ADAMTS17: variants seen among roughly 807,000 people sequenced by gnomAD.
The protein encoded by ADAMTS17 is A disintegrin and metalloproteinase with thrombospondin motifs 17.
In ADAMTS17, 113 loss-of-function variants were observed where a neutral mutation model predicts 141.5. The observed-to-expected ratio is 0.80, with a 90% CI of 0.69 to 0.93. The LOEUF is 0.93. Among genes scored for constraint, ADAMTS17 ranks in the 40% least tolerant of loss-of-function variants. The pLI is 0.00. For missense variants in ADAMTS17, 1,659 were observed against 1,517.9 expected, an observed-to-expected ratio of 1.09 and a Z score of -1.54; for synonymous variants, 768 against 630.6, an observed-to-expected ratio of 1.22 and a Z score of -3.27.
At chr15:100,282,002 G>A (rs549746872) in intron 3 of ADAMTS17, among the ~76,000 whole-genome samples, 1 of 152,268 alleles carries the variant, frequency 6.6e-6, no homozygotes, top group Admixed American at 6.5e-5. Context: ...CAATAGGGAA[G>A]GATTAGTAGT....
intron 3 of ADAMTS17, among the ~76,000 whole-genome samples, chr15:100,283,816 C>T (rs191175781): frequency 7.5e-4 from 114 of 152,292 alleles, no homozygotes; most frequent in African/African-American, 2.6e-3. Context: ...TTTCAAAATC[C>T]TGCACTGCAC....
At chr15:100,259,844 G>T (rs28583508) in intron 6 of ADAMTS17, among the ~76,000 whole-genome samples, 109,267 of 151,950 alleles carry the variant, frequency 0.72, 39,592 homozygotes, top group East Asian at 0.94. Flanking sequence ...CTAGGATTTT[G>T]GTTTTTGTTT....
intron 15 of ADAMTS17, among the ~76,000 whole-genome samples, chr15:100,064,872 T>C (rs1019531274): frequency 2.6e-5 from 4 of 152,174 alleles, no homozygotes; most frequent in African/African-American, 9.7e-5. Context: ...ATTTGGGATT[T>C]AGACAAGCGT....
intron 14 of ADAMTS17, among the ~76,000 whole-genome samples, chr15:100,107,673 G>A (rs974062237): frequency 7.9e-5 from 12 of 152,110 alleles, no homozygotes; most frequent in African/African-American, 2.7e-4. Flanking sequence ...AGACTCACAA[G>A]AGAGCTCACC....
At chr15:100,240,055 T>C (rs4297664) in intron 7 of ADAMTS17, among the ~76,000 whole-genome samples, 92,212 of 152,062 alleles carry the variant, frequency 0.61, 28,113 homozygotes, top group African/African-American at 0.67. Flanking sequence ...TCAGTGAGCC[T>C]GCTCCACGTG....
intron 10 of ADAMTS17, among the ~76,000 whole-genome samples, chr15:100,140,289 C>T (rs2038561392): frequency 6.6e-6 from 1 of 152,086 alleles, no homozygotes; most frequent in Non-Finnish European, 1.5e-5. Context: ...AGCCACTGTG[C>T]CTGGCCGTGT....
intron 12 of ADAMTS17, among the ~76,000 whole-genome samples, chr15:100,119,009 T>G (rs1016711280): frequency 7.3e-6 from 1 of 137,504 alleles, no homozygotes; most frequent in Non-Finnish European, 1.7e-5. Flanking sequence ...TAATCCAATA[T>G]GAAGTGTCCT....
intron 8 of ADAMTS17, among the ~76,000 whole-genome samples, chr15:100,172,063 T>A (rs1056028930): frequency 6.6e-6 from 1 of 152,198 alleles, no homozygotes; most frequent in East Asian, 1.9e-4. Flanking sequence ...ATTCATGTTC[T>A]GCCTGAGGTA....
At position 100,270,215 on chromosome 15, in the gene ADAMTS17, T is replaced by C. The variant is rs186427590; in HGVS notation, c.790-7780A>G. On this transcript the variant is annotated intron_variant, in intron 4 of 21. Transcript: ENST00000268070. ...TGTGACTCTGGAGCCATTTCTTCAA[T>C]AGGGTGTGGATGAGAAGCCATTTGT... is the stretch of plus-strand genomic sequence containing the variant. Among the ~76,000 whole-genome samples, 111 of 152,270 alleles carry C rather than the reference T, an allele frequency of 7.3e-4. 1 individual carries two copies. Among genetic ancestry groups the C allele is most frequent in the Admixed American group, 3.6e-3 (55 of 15,306 alleles).
intron 15 of ADAMTS17, among the ~76,000 whole-genome samples, chr15:100,059,169 G>A (rs1313664176): frequency 2.0e-5 from 3 of 152,224 alleles, no homozygotes; most frequent in African/African-American, 7.2e-5. Context: ...TGGAGCCGAT[G>A]AGTTGGAGAA....
chr15:100,183,142 C>T (rs2040584401), intron 8 of ADAMTS17, among the ~76,000 whole-genome samples: 1 of 152,154 alleles, frequency 6.6e-6, no homozygotes, highest in South Asian at 2.1e-4. Flanking sequence ...GCATGCACCA[C>T]AAAACCTGAC....
chr15:100,220,306 A>G (rs11247168), intron 7 of ADAMTS17, among the ~76,000 whole-genome samples: 46,279 of 152,026 alleles, frequency 0.3, 7,406 homozygotes, highest in East Asian at 0.63. Flanking sequence ...TTGAACTGAA[A>G]TAAATCCATC....
chr15:100,029,668 G>A (rs749036117), intron 18 of ADAMTS17, among the ~76,000 whole-genome samples: 1 of 152,074 alleles, frequency 6.6e-6, no homozygotes, highest in Non-Finnish European at 1.5e-5. Flanking sequence ...CAGGAGATGA[G>A]GTAACCGACT....
intron 10 of ADAMTS17, among the ~76,000 whole-genome samples, chr15:100,146,403 T>C (rs1257104873): frequency 6.6e-6 from 1 of 152,214 alleles, no homozygotes; most frequent in Non-Finnish European, 1.5e-5. Flanking sequence ...ATTGTGAAGA[T>C]TTCATGGACA....
At chr15:100,203,355 C>T (rs1013682112) in intron 7 of ADAMTS17, among the ~76,000 whole-genome samples, 6 of 152,032 alleles carry the variant, frequency 3.9e-5, no homozygotes, top group Admixed American at 6.6e-5. Context: ...GGAGGATCGC[C>T]TGAGGTCAGG....
chr15:100,078,994 G>A (rs900454439), intron 15 of ADAMTS17, among the ~76,000 whole-genome samples: 1 of 152,204 alleles, frequency 6.6e-6, no homozygotes, highest in Non-Finnish European at 1.5e-5. Flanking sequence ...TTAGGGAAGT[G>A]CAAACCAAAA....
chr15:100,286,499 A>G (rs2044453019), intron 3 of ADAMTS17, among the ~76,000 whole-genome samples: 1 of 152,200 alleles, frequency 6.6e-6, no homozygotes. Flanking sequence ...AGGGGACCAG[A>G]AAACAAAGCT....
intron 15 of ADAMTS17, among the ~76,000 whole-genome samples, chr15:100,071,545 A>G (rs2141729486): frequency 6.6e-6 from 1 of 150,484 alleles, no homozygotes; most frequent in African/African-American, 2.5e-5. Context: ...TTACCCATCA[A>G]AAAGCTTATC....
rs115691987 is a variant in ADAMTS17 at position 100,274,193 on chromosome 15, C to T, written c.789+7036G>A. Among the ~76,000 whole-genome samples the T allele has an allele frequency of 5.5e-3, 833 of 152,270 alleles. 7 individuals carry two copies. The highest frequency in any genetic ancestry group is 0.019 in the African/African-American group (770 of 41,562). ...AGTGTTCTGTGTATGTCTGCTAGAT[C>T]CAGTTGACTTATTGTGTTAAGTCTT... On this transcript the variant is annotated intron_variant, in intron 4 of 21. Coordinates refer to ENST00000268070, the MANE Select transcript of ADAMTS17 (RefSeq NM_139057.4).
Sources: allele counts gnomAD v4.1 joint callset (sites outside exome capture counted in the v4.1 genomes callset), GRCh38; gene constraint gnomAD v4.1.1; transcripts MANE v1.5; gene names NCBI Gene and HGNC (gene_info 2026-07-23, HGNC 2026-07-21).